The following HDAC9 variants were observed in gnomAD, a reference collection of about 807,000 sequenced individuals.
The protein encoded by HDAC9 is histone deacetylase 9.
In HDAC9, 41 loss-of-function variants were observed where a neutral mutation model predicts 139.4. The observed-to-expected ratio is 0.29, with a 90% CI of 0.23 to 0.38. The LOEUF is 0.38. Ranked by LOEUF, HDAC9 falls within the 10% of genes least tolerant of loss-of-function variation. The pLI is 1.00. For synonymous variants in HDAC9, 517 were observed against 476.2 expected (o/e 1.09, Z -1.12); for missense variants, 1,147 against 1,297.0 (o/e 0.88, Z 1.78).
At chr7:18,348,863 T>C (rs1782626108) in intron 1 of HDAC9, among the ~76,000 whole-genome samples, 2 of 152,184 alleles carry the variant, frequency 1.3e-5, no homozygotes, top group South Asian at 2.1e-4. Context: ...TTGTATTATT[T>C]AATCTTCACA....
At chr7:18,612,231 T>C (rs1633775) in intron 6 of HDAC9, among the ~76,000 whole-genome samples, 138,346 of 152,100 alleles carry the variant, frequency 0.91, 62,991 homozygotes, top group South Asian at 0.97. Flanking sequence ...AGGGATCTTT[T>C]GTTTGTAGTA....
At chr7:18,779,448 G>A (rs1791057834) in intron 16 of HDAC9, among the ~76,000 whole-genome samples, 1 of 151,994 alleles carries the variant, frequency 6.6e-6, no homozygotes, top group South Asian at 2.1e-4. Context: ...TATCCCACAG[G>A]AGGAGAAAAG....
At chr7:18,444,770 A>T (rs1264345132) in intron 1 of HDAC9, among the ~76,000 whole-genome samples, 1 of 152,230 alleles carries the variant, frequency 6.6e-6, no homozygotes, top group Non-Finnish European at 1.5e-5. Context: ...GCATTGGTTG[A>T]CTGATAACAC....
At chr7:18,267,519 C>G (rs1231848539) in intron 2 of HDAC9, among the ~76,000 whole-genome samples, 1 of 152,074 alleles carries the variant, frequency 6.6e-6, no homozygotes, top group African/African-American at 2.4e-5. Flanking sequence ...TTATAGAATT[C>G]TACCTATAAG....
At chr7:18,675,276 G>T (rs1035320060) in intron 12 of HDAC9, among the ~76,000 whole-genome samples, 2 of 151,956 alleles carry the variant, frequency 1.3e-5, no homozygotes, top group Non-Finnish European at 2.9e-5. Context: ...TGCCTCGTAC[G>T]GTAATATTGA....
At chr7:18,224,277 G>A (rs1384850295) in intron 2 of HDAC9, among the ~76,000 whole-genome samples, 2 of 152,156 alleles carry the variant, frequency 1.3e-5, no homozygotes, top group Non-Finnish European at 2.9e-5. Context: ...TAATTTTAAT[G>A]TCTTGATGGC....
chr7:18,309,226 C>T (rs2128622605), intron 1 of HDAC9, among the ~76,000 whole-genome samples: 2 of 152,150 alleles, frequency 1.3e-5, no homozygotes, highest in South Asian at 4.2e-4. Context: ...GTTTAAACAC[C>T]CATTTCCTTT....
At chr7:18,970,974 A>G (rs779102784) in intron 24 of HDAC9, among the ~76,000 whole-genome samples, 7 of 152,184 alleles carry the variant, frequency 4.6e-5, no homozygotes, top group Admixed American at 3.3e-4. Flanking sequence ...TCATGAGTCA[A>G]CAACTGCCTA....
chr7:18,289,402 A>C (rs534583864), upstream of HDAC9, among the ~76,000 whole-genome samples: 1 of 152,334 alleles, frequency 6.6e-6, no homozygotes, highest in African/African-American at 2.4e-5. Context: ...GAAGGGTATC[A>C]ATGACAGAAT....
At chr7:18,986,357 G>C (rs1432225351) in intron 25 of HDAC9, among the ~76,000 whole-genome samples, 1 of 32,412 alleles carries the variant, frequency 3.1e-5, no homozygotes, top group Admixed American at 3.4e-4. Context: ...TTTTTCTCAG[G>C]TTTGTCAAAG....
Position 18,732,808 on chromosome 7 carries a change from T to TAC in HDAC9, c.1909+5058_1909+5059dup, listed in dbSNP as rs576705156. Among the ~76,000 whole-genome samples the TAC allele has an allele frequency of 4.9e-3, 399 of 80,700 alleles. 39 individuals are homozygous for TAC. Among genetic ancestry groups the TAC allele is most frequent in the African/African-American group, 0.013 (192 of 14,242 alleles). 52.9% of individuals were successfully genotyped at this position (80,700 alleles called of 152,430 possible). On this transcript the variant is annotated intron_variant, in intron 13 of 25. Transcript: ENST00000686413. ...ACACGTGTGTTTGTGTGCGTATGTGTACACACACGTGTGTATGTGTGCGTA... is the reference window on the plus strand; with the variant it reads ...ACACGTGTGTTTGTGTGCGTATGTGTACACACACACGTGTGTATGTGTGCGTA...
rs1786397001 is a variant in HDAC9, at chr7:18,732,908, C to CACACACGTGTGTAT, written c.1909+5151_1909+5152insACACACGTGTGTAT. On this transcript the variant is annotated intron_variant, in intron 13 of 25. Transcript: ENST00000686413. ...GCGTATGTGTACACACACACGTGTG[C>CACACACGTGTGTAT]GTATGTGTATACACACGTGTGTATG... 3.2e-5 allele frequency among the ~76,000 whole-genome samples: 2 copies of CACACACGTGTGTAT among 63,074 alleles called. 1 individual carries two copies. Among genetic ancestry groups the CACACACGTGTGTAT allele is most frequent in the African/African-American group, 1.9e-4 (2 of 10,320 alleles). The allele number at this position is 63,074 out of a possible 152,430, so 41.4% of individuals were successfully genotyped here. A position where few individuals can be genotyped will look rare whatever the true frequency, so the allele number is the denominator to read the frequency against.
intron 2 of HDAC9, among the ~76,000 whole-genome samples, chr7:18,188,209 T>C (rs1479856719): frequency 6.6e-6 from 1 of 152,040 alleles, no homozygotes; most frequent in Non-Finnish European, 1.5e-5. Context: ...TCTACAACCA[T>C]CTGATCTTTG....
At chr7:18,423,458 G>T (rs1789827647) in intron 1 of HDAC9, among the ~76,000 whole-genome samples, 1 of 152,190 alleles carries the variant, frequency 6.6e-6, no homozygotes, top group Non-Finnish European at 1.5e-5. Flanking sequence ...TAAAGCAGTG[G>T]CTTAAAAGAA....
chr7:18,999,054 T>C lies in HDAC9; in HGVS notation c.*2992T>C, dbSNP rs1320403423. ...ATGGAAAGAACATTGTGAGATGAAC[T>C]ATCTTTAAATATTGTAACAAGTTTA... On this transcript the variant is annotated 3_prime_UTR_variant, in exon 26 of 26. Transcript: ENST00000686413. 1 of 152,178 alleles carries C rather than the reference T, an allele frequency of 6.6e-6. No individual in the cohort carries two copies. The highest frequency in any genetic ancestry group is 1.5e-5 in the Non-Finnish European group (1 of 68,032). 9.4% of individuals were successfully genotyped at this position (152,178 alleles called of 1,614,324 possible). A position where few individuals can be genotyped will look rare whatever the true frequency, so the allele number is the denominator to read the frequency against.
At chr7:18,890,315 A>G (rs1426790907) in intron 22 of HDAC9, among the ~76,000 whole-genome samples, 1 of 152,232 alleles carries the variant, frequency 6.6e-6, no homozygotes, top group Non-Finnish European at 1.5e-5. Context: ...GCATATAACT[A>G]TCTGACTTTT....
intron 1 of HDAC9, among the ~76,000 whole-genome samples, chr7:18,090,004 A>G (rs1429359102): frequency 6.6e-6 from 1 of 152,120 alleles, no homozygotes. Flanking sequence ...TGCTTTCAAT[A>G]GACATCATAC....
chr7:18,360,733 C>T lies in HDAC9; in HGVS notation c.-42+70218C>T, dbSNP rs931228594. On this transcript the variant is annotated intron_variant, in intron 1 of 3. Coordinates refer to the HDAC9 transcript ENST00000413509. ...AAATTATTATGTAGTACATTGCTGA[C>T]AATTTTTTTTATTTGTCTTGTTATA... Among the ~76,000 whole-genome samples, 9 of 152,138 alleles carry T rather than the reference C, an allele frequency of 5.9e-5. No individual in the cohort carries two copies. In the South Asian group the frequency reaches 1.9e-3, roughly 31 times the overall value.
chr7:18,386,431 G>A (rs1562940702), intron 1 of HDAC9, among the ~76,000 whole-genome samples: 1 of 151,956 alleles, frequency 6.6e-6, no homozygotes, highest in Non-Finnish European at 1.5e-5. Context: ...ATCTTATTTT[G>A]TAATGTTATT....
Sources: gnomAD v4.1 joint callset for allele counts (sites outside exome capture counted in the v4.1 genomes callset) on GRCh38, gnomAD v4.1.1 for gene constraint, MANE v1.5 for transcripts, NCBI Gene and HGNC (gene_info 2026-07-23, HGNC 2026-07-21) for gene names.